The following CASD1 variants were observed in gnomAD, a reference collection of about 807,000 sequenced individuals.
CASD1 encodes the protein N-acetylneuraminate (7)9-O-acetyltransferase.
In CASD1, 41 loss-of-function variants were observed where a neutral mutation model predicts 100.0. That is an observed-to-expected ratio of 0.41 (90% CI 0.32 to 0.53). The LOEUF is 0.53. Among genes scored for constraint, CASD1 ranks in the 20% least tolerant of loss-of-function variants. CASD1 has a pLI of 0.25. For missense variants in CASD1, 774 were observed against 948.7 expected (o/e 0.82, Z 2.42); for synonymous variants, 321 against 315.6 (o/e 1.02, Z -0.18).
At chr7:94,546,675 TA>T (rs1795697847) in intron 12 of CASD1, among the ~76,000 whole-genome samples, 1 of 152,062 alleles carries the variant, frequency 6.6e-6, no homozygotes, top group East Asian at 1.9e-4. Context: ...TCTAATCCAT[TA>T]GGGGGTTTAA....
intron 3 of CASD1, among the ~76,000 whole-genome samples, chr7:94,521,081 ACT>A (rs1233138283): frequency 6.6e-6 from 1 of 151,898 alleles, no homozygotes; most frequent in Non-Finnish European, 1.5e-5. Flanking sequence ...ACAGAGTGAG[ACT>A]CTGTCTCAAA....
At chr7:94,534,428 A>G (rs558309125) in intron 7 of CASD1, among the ~76,000 whole-genome samples, 1 of 152,280 alleles carries the variant, frequency 6.6e-6, no homozygotes, top group East Asian at 1.9e-4. Context: ...CATAATATTA[A>G]TAAAGTCATT....
chr7:94,541,854 A>G (rs987082405), intron 10 of CASD1, among the ~76,000 whole-genome samples: 1 of 151,974 alleles, frequency 6.6e-6, no homozygotes, highest in East Asian at 1.9e-4. Context: ...TTTTCCTAAG[A>G]CATAGGTGGT....
intron 3 of CASD1, among the ~76,000 whole-genome samples, chr7:94,526,150 G>C (rs1242924959): frequency 6.6e-6 from 1 of 152,190 alleles, no homozygotes; most frequent in Non-Finnish European, 1.5e-5. Flanking sequence ...GAATGGACTA[G>C]ATGTTGCTAC....
chr7:94,633,074 G>A, the CASD1 span, among the ~76,000 whole-genome samples: 1,365 of 152,122 alleles, frequency 9.0e-3, 19 homozygotes, highest in African/African-American at 0.031. Context: ...CATGTGTACA[G>A]TGCCATGCTA....
At chr7:94,549,961 T>C (rs1795867274) in intron 14 of CASD1, among the ~76,000 whole-genome samples, 1 of 152,108 alleles carries the variant, frequency 6.6e-6, no homozygotes, top group East Asian at 1.9e-4. Flanking sequence ...AGTTTCAATA[T>C]GTGCCCTAGA....
At chr7:94,595,779 A>C in the CASD1 span, among the ~76,000 whole-genome samples, 4 of 152,138 alleles carry the variant, frequency 2.6e-5, no homozygotes, top group African/African-American at 9.6e-5. Context: ...ATTATCTGGC[A>C]TGGCTGGAAA....
At chr7:94,601,489 C>T in the CASD1 span, among the ~76,000 whole-genome samples, 9 of 129,852 alleles carry the variant, frequency 6.9e-5, no homozygotes, top group Middle Eastern at 5.4e-3. Flanking sequence ...ACAACAGTTG[C>T]ACTATGTTAA....
chr7:94,543,174 C>T lies in CASD1; in HGVS notation c.1357-1237C>T, dbSNP rs117020540. On this transcript the variant is annotated intron_variant, in intron 10 of 17. Transcript: ENST00000297273. ...ATAGGGAATCTGTAAGTTTGCTTAG[C>T]GTGGATGCTGTGTAGAACTTATGGT... Among the ~76,000 whole-genome samples, 173 of 152,226 alleles carry T rather than the reference C, an allele frequency of 1.1e-3. 1 individual carries two copies. The East Asian group carries it at 0.014, about 13-fold the overall frequency.
At chr7:94,521,922 A>G (rs1794300422) in intron 3 of CASD1, among the ~76,000 whole-genome samples, 1 of 152,148 alleles carries the variant, frequency 6.6e-6, no homozygotes. Context: ...TGTCTCTACT[A>G]AAAACACAAA....
At chr7:94,537,120 A>G (rs1795159909) in intron 8 of CASD1, among the ~76,000 whole-genome samples, 1 of 152,060 alleles carries the variant, frequency 6.6e-6, no homozygotes, top group South Asian at 2.1e-4. Flanking sequence ...GTCACAACCC[A>G]TTAACAACCA....
chr7:94,628,406 C>G, the CASD1 span: 2 of 1,494,790 alleles, frequency 1.3e-6, no homozygotes, highest in South Asian at 2.3e-5. Flanking sequence ...TATTTTCACA[C>G]ATGTTGCTTT....
At chr7:94,613,986 TAAAC>T in the CASD1 span, among the ~76,000 whole-genome samples, 5 of 148,994 alleles carry the variant, frequency 3.4e-5, no homozygotes, top group South Asian at 8.5e-4. Context: ...TATAATAAAA[TAAAC>T]AAGTGAAAAA....
chr7:94,626,102 G>A, the CASD1 span: 1 of 152,106 alleles, frequency 6.6e-6, no homozygotes, highest in South Asian at 2.1e-4. Flanking sequence ...TAAGTTTATT[G>A]GCGTTTGTGT....
the CASD1 span, among the ~76,000 whole-genome samples, chr7:94,603,714 A>G: frequency 6.6e-6 from 1 of 152,074 alleles, no homozygotes; most frequent in Non-Finnish European, 1.5e-5. Flanking sequence ...ACTTTATTTC[A>G]TCCCATTTAT....
the CASD1 span, among the ~76,000 whole-genome samples, chr7:94,601,357 C>T: frequency 6.7e-6 from 1 of 148,258 alleles, no homozygotes; most frequent in African/African-American, 2.5e-5. Flanking sequence ...ATCTTTCTGC[C>T]TTCCAGCTGA....
chr7:94,631,862 C>T, the CASD1 span, among the ~76,000 whole-genome samples: 7 of 152,144 alleles, frequency 4.6e-5, no homozygotes, highest in East Asian at 1.9e-4. Flanking sequence ...CTAAAGGAAT[C>T]TCTTTGTAGT....
intron 10 of CASD1, among the ~76,000 whole-genome samples, chr7:94,539,705 A>G (rs901093483): frequency 2.6e-5 from 4 of 151,410 alleles, no homozygotes; most frequent in African/African-American, 9.7e-5. Context: ...AACTTTGAAG[A>G]TGATAATTAT....
chr7:94,586,061 G>GAAAAAAAAAAAAAA, the CASD1 span, among the ~76,000 whole-genome samples: 24 of 28,904 alleles, frequency 8.3e-4, 1 homozygote, highest in Admixed American at 1.0e-3. Flanking sequence ...GGAACTAAAT[G>GAAAAAAAAAAAAAA]AAAAAAAAAA....
Sources: allele counts gnomAD v4.1 joint callset (sites outside exome capture counted in the v4.1 genomes callset), GRCh38; gene constraint gnomAD v4.1.1; transcripts MANE v1.5; gene names NCBI Gene and HGNC (gene_info 2026-07-23, HGNC 2026-07-21).